ARHGAP42: variants seen among roughly 807,000 people sequenced by gnomAD.
The protein encoded by ARHGAP42 is Rho GTPase activating protein 42.
ARHGAP42 carries 63 observed loss-of-function variants against 125.0 expected under a neutral mutation model. That is an observed-to-expected ratio of 0.50 (90% confidence interval 0.41 to 0.62). The LOEUF (loss-of-function observed/expected upper bound fraction) is 0.62. Among genes scored for constraint, ARHGAP42 ranks in the 20% least tolerant of loss-of-function variants. The pLI, the probability that ARHGAP42 is intolerant of heterozygous loss-of-function variation, is 0.00. For missense variants in ARHGAP42, 766 were observed against 1,024.2 expected (o/e 0.75, Z 3.44); for synonymous variants, 339 against 351.0 (o/e 0.97, Z 0.38).
At chr11:100,739,594 T>G (rs956811354) in intron 1 of ARHGAP42, among the ~76,000 whole-genome samples, 3 of 152,166 alleles carry the variant, frequency 2.0e-5, no homozygotes, top group Non-Finnish European at 4.4e-5. Context: ...ATTTCTAGAG[T>G]TTTTAAAGAA....
chr11:100,941,999 A>C (rs1436026505), intron 9 of ARHGAP42, 115 bp downstream of exon 9: 3 of 805,126 alleles, frequency 3.7e-6, no homozygotes, highest in South Asian at 1.7e-5. Context: ...TTTACAAAAA[A>C]ATAGAAGGTC....
chr11:100,788,139 C>A (rs1175777371), intron 2 of ARHGAP42, among the ~76,000 whole-genome samples: 2 of 152,164 alleles, frequency 1.3e-5, no homozygotes, highest in Non-Finnish European at 2.9e-5. Context: ...TAGTAAGCTC[C>A]TCCAACTTGG....
intron 1 of ARHGAP42, among the ~76,000 whole-genome samples, chr11:100,704,135 C>A (rs1191215080): frequency 1.3e-5 from 2 of 152,090 alleles, no homozygotes; most frequent in African/African-American, 4.8e-5. Context: ...TTGAATTGAG[C>A]CTTTTAGCTA....
At chr11:100,811,358 T>G (rs1463509119) in intron 3 of ARHGAP42, among the ~76,000 whole-genome samples, 1 of 152,220 alleles carries the variant, frequency 6.6e-6, no homozygotes, top group Non-Finnish European at 1.5e-5. Flanking sequence ...GTAGGATGCT[T>G]AGTAAAAGAA....
intron 1 of ARHGAP42, among the ~76,000 whole-genome samples, chr11:100,741,246 G>C (rs2120346406): frequency 6.6e-6 from 1 of 152,220 alleles, no homozygotes; most frequent in Admixed American, 6.5e-5. Flanking sequence ...GGCGAGGCTG[G>C]TCTCAAACTC....
At position 100,980,559 on chromosome 11, in the gene ARHGAP42, C is replaced by CTTCTTTTTTTTTTTTTTTTTTTT; in HGVS notation, c.2456+1512_2456+1513insCTTTTTTTTTTTTTTTTTTTTTT. Among the ~76,000 whole-genome samples the CTTCTTTTTTTTTTTTTTTTTTTT allele has an allele frequency of 2.2e-3, 116 of 51,948 alleles. 21 individuals carry two copies. The highest frequency in any genetic ancestry group is 3.3e-3 in the Non-Finnish European group (87 of 26,018). The allele number at this position is 51,948 out of a possible 152,430, so 34.1% of individuals were successfully genotyped here. On this transcript the variant is annotated intron_variant, in intron 22 of 23. Coordinates refer to ENST00000298815, the MANE Select transcript of ARHGAP42 (RefSeq NM_152432.4). ...TCAAATCATACTTCTTTTTCTTCTT[C>CTTCTTTTTTTTTTTTTTTTTTTT]TTTTTTTTTTTTTTTTTTTTTTTTT...
At chr11:100,801,235 T>C (rs1382252986) in intron 3 of ARHGAP42, among the ~76,000 whole-genome samples, 1 of 152,166 alleles carries the variant, frequency 6.6e-6, no homozygotes, top group Admixed American at 6.5e-5. Context: ...TTTAAAAAAT[T>C]AGTGCTTTAT....
chr11:100,775,346 A>G (rs59240226), intron 2 of ARHGAP42, among the ~76,000 whole-genome samples: 4,485 of 152,160 alleles, frequency 0.029, 143 homozygotes, highest in East Asian at 0.18. Context: ...AGATAGATTC[A>G]AGCTTCCTCT....
At chr11:100,912,308 A>T (rs1033221917) in intron 4 of ARHGAP42, among the ~76,000 whole-genome samples, 1 of 152,212 alleles carries the variant, frequency 6.6e-6, no homozygotes, top group African/African-American at 2.4e-5. Flanking sequence ...CTGTGCATCT[A>T]TTCATTGATT....
chr11:100,888,673 A>T (rs1866152992), intron 4 of ARHGAP42, among the ~76,000 whole-genome samples: 1 of 152,222 alleles, frequency 6.6e-6, no homozygotes, highest in Non-Finnish European at 1.5e-5. Context: ...TAAGATAATA[A>T]AATAATTGAT....
intron 4 of ARHGAP42, among the ~76,000 whole-genome samples, chr11:100,866,699 G>T (rs1865577382): frequency 6.6e-6 from 1 of 152,040 alleles, no homozygotes; most frequent in South Asian, 2.1e-4. Flanking sequence ...TCCCATGAGA[G>T]CTCACTCTCA....
intron 1 of ARHGAP42, among the ~76,000 whole-genome samples, chr11:100,735,113 A>G (rs1248468445): frequency 6.6e-6 from 1 of 152,246 alleles, no homozygotes; most frequent in Non-Finnish European, 1.5e-5. Context: ...AGACCCCTTC[A>G]GGATCCATAT....
intron 4 of ARHGAP42, among the ~76,000 whole-genome samples, chr11:100,897,335 T>C (rs867712122): frequency 1.1e-4 from 17 of 152,336 alleles, no homozygotes; most frequent in African/African-American, 3.8e-4. Context: ...TCTTTCTTGG[T>C]TCCATATGAA....
At chr11:100,849,497 T>C (rs1214446772) in intron 3 of ARHGAP42, among the ~76,000 whole-genome samples, 1 of 152,226 alleles carries the variant, frequency 6.6e-6, no homozygotes, top group Non-Finnish European at 1.5e-5. Flanking sequence ...TCTTGTTTGC[T>C]AAATTGTAGG....
chr11:100,798,168 T>G (rs1031909117), intron 3 of ARHGAP42, among the ~76,000 whole-genome samples: 1 of 152,224 alleles, frequency 6.6e-6, no homozygotes, highest in Non-Finnish European at 1.5e-5. Context: ...TTGGTGAAGA[T>G]ACTGTGAATA....
intron 4 of ARHGAP42, among the ~76,000 whole-genome samples, chr11:100,891,039 T>G (rs369406775): frequency 1.3e-5 from 2 of 152,208 alleles, no homozygotes; most frequent in East Asian, 3.9e-4. Context: ...CTTATCCACA[T>G]GTAATTCCTG....
intron 11 of ARHGAP42, 81 bp from the exon 12 acceptor site, chr11:100,949,836 T>G: frequency 1.2e-6 from 1 of 864,158 alleles, no homozygotes; most frequent in Non-Finnish European, 1.7e-6. Context: ...TTTCATCTAT[T>G]AGTGTACAGA....
intron 3 of ARHGAP42, among the ~76,000 whole-genome samples, chr11:100,807,576 C>T (rs1199133273): frequency 1.3e-5 from 2 of 152,150 alleles, no homozygotes; most frequent in African/African-American, 4.8e-5. Flanking sequence ...GTGATGTCGA[C>T]CTCCAGTAAG....
At chr11:100,808,844 A>G (rs1197486742) in intron 3 of ARHGAP42, among the ~76,000 whole-genome samples, 2 of 152,232 alleles carry the variant, frequency 1.3e-5, no homozygotes, top group Non-Finnish European at 2.9e-5. Flanking sequence ...AAAAATAACA[A>G]ATTATTCATA....
Sources: allele counts gnomAD v4.1 joint callset (sites outside exome capture counted in the v4.1 genomes callset), GRCh38; gene constraint gnomAD v4.1.1; transcripts MANE v1.5; gene names NCBI Gene and HGNC (gene_info 2026-07-23, HGNC 2026-07-21).